KCNQ5: variants seen among roughly 807,000 people sequenced by gnomAD.
The protein encoded by KCNQ5 is potassium voltage-gated channel subfamily Q member 5, also known as potassium voltage-gated channel subfamily KQT member 5.
Under a neutral mutation model 98.2 loss-of-function variants are expected in KCNQ5, and 30 were observed. The ratio of observed to expected loss-of-function variants is 0.31; its 90% CI spans 0.23 to 0.41. The LOEUF (loss-of-function observed/expected upper bound fraction) is 0.41, where lower values mean the gene tolerates loss of function less well. Ranked by LOEUF, KCNQ5 falls within the 10% of genes least tolerant of loss-of-function variation. The pLI is 1.00. For synonymous variants in KCNQ5, 458 were observed against 449.4 expected (o/e 1.02, Z -0.24); for missense variants, 835 against 1,182.5 (o/e 0.71, Z 4.31).
At chr6:73,156,346 T>C (rs1562210760) in intron 10 of KCNQ5, among the ~76,000 whole-genome samples, 1 of 152,200 alleles carries the variant, frequency 6.6e-6, no homozygotes, top group African/African-American at 2.4e-5. Flanking sequence ...TAAAAATGAA[T>C]TGTGAGGTTG....
chr6:72,622,596 C>A lies in KCNQ5; in HGVS notation c.398+9C>A. 6.2e-7 allele frequency: 1 copy of A among 1,612,078 alleles called. No individual in the cohort carries two copies. The highest frequency in any genetic ancestry group is 1.1e-5 in the South Asian group (1 of 91,016). On this transcript the variant is annotated intron_variant, in intron 1 of 13. Transcript: ENST00000370398. The surrounding 1 kb of genome is among the most constrained non-coding windows in gnomAD (Gnocchi z 6.0). ...ATCTACCACGCTTTCGTGTGAGTAC[C>A]CGCGCCCCCTGCTATGCCCGCTGCA... is the stretch of plus-strand genomic sequence containing the variant.
chr6:72,869,488 A>G lies in KCNQ5; in HGVS notation c.399-134420A>G, dbSNP rs954358267. On this transcript the variant is annotated intron_variant, in intron 1 of 13. Transcript: ENST00000370398. ...TGTAGTAATAGATGGACTTTTTTGAACTTTAGTTTTTCCATTTTCTCATTT... is the reference window on the plus strand; with the variant it reads ...TGTAGTAATAGATGGACTTTTTTGAGCTTTAGTTTTTCCATTTTCTCATTT... Among the ~76,000 whole-genome samples, 12 of 152,292 alleles carry G rather than the reference A, an allele frequency of 7.9e-5. 1 individual carries two copies. The highest frequency in any genetic ancestry group is 5.8e-4 in the East Asian group (3 of 5,192).
At chr6:73,062,865 T>C (rs1158979846) in intron 3 of KCNQ5, among the ~76,000 whole-genome samples, 1 of 152,192 alleles carries the variant, frequency 6.6e-6, no homozygotes, top group African/African-American at 2.4e-5. Flanking sequence ...TATTTGATTT[T>C]AGCCCCTACC....
chr6:72,975,962 A>C (rs536478906), intron 1 of KCNQ5, among the ~76,000 whole-genome samples: 2 of 152,242 alleles, frequency 1.3e-5, no homozygotes, highest in African/African-American at 4.8e-5. Flanking sequence ...TTTTTAAAAC[A>C]AGTGAATCAT....
chr6:73,126,147 T>C (rs1775981064), intron 9 of KCNQ5, among the ~76,000 whole-genome samples: 1 of 152,236 alleles, frequency 6.6e-6, no homozygotes, highest in Non-Finnish European at 1.5e-5. Context: ...GCTTTCATTG[T>C]CTCAGGAGCT....
rs1776156669 is a variant in KCNQ5 at position 73,129,930 on chromosome 6, C to T, written c.1248-3491C>T. The stretch of plus-strand genomic sequence containing the variant: ...TGCATGACCAGGTTACACCGCCACC[C>T]CACCTGAGCCCTGTTCAGAGACTCA... On this transcript the variant is annotated intron_variant, in intron 9 of 13. Transcript: ENST00000370398. 31 of 1,052,126 alleles carry T rather than the reference C, an allele frequency of 2.9e-5. 1 individual carries two copies. The South Asian group carries it at 4.1e-4, about 14-fold the overall frequency. 65.2% of individuals were successfully genotyped at this position (1,052,126 alleles called of 1,614,324 possible).
intron 1 of KCNQ5, among the ~76,000 whole-genome samples, chr6:72,909,808 G>A (rs903854872): frequency 1.3e-5 from 2 of 152,102 alleles, no homozygotes; most frequent in Non-Finnish European, 2.9e-5. Context: ...TGTATCTAAG[G>A]CAGAAAATAA....
At chr6:73,194,323 A>C in intron 13 of KCNQ5, 129 bp from the exon 14 acceptor site, 4 of 784,780 alleles carry the variant, frequency 5.1e-6, no homozygotes, top group Non-Finnish European at 8.0e-6. Context: ...TCAAGACTGC[A>C]TCGTACTTTA....
intron 1 of KCNQ5, among the ~76,000 whole-genome samples, chr6:72,895,468 AC>A: frequency 6.6e-6 from 1 of 151,732 alleles, no homozygotes; most frequent in Middle Eastern, 3.4e-3. Context: ...TTAAAATAGG[AC>A]TTTTTGAAGG....
intron 1 of KCNQ5, among the ~76,000 whole-genome samples, chr6:72,689,470 G>C (rs1002554375): frequency 2.0e-5 from 3 of 152,240 alleles, no homozygotes; most frequent in African/African-American, 4.8e-5. Context: ...GCATCTGGCA[G>C]ATGGGGAATC....
At chr6:72,906,762 C>T (rs1394686396) in intron 1 of KCNQ5, among the ~76,000 whole-genome samples, 1 of 152,230 alleles carries the variant, frequency 6.6e-6, no homozygotes, top group Admixed American at 6.5e-5. Context: ...CTTCCAGGTC[C>T]TGCAGGAGCA....
chr6:72,989,628 T>C (rs1768984667), intron 1 of KCNQ5, among the ~76,000 whole-genome samples: 1 of 306 alleles, frequency 3.3e-3, no homozygotes, highest in Non-Finnish European at 5.1e-3. Flanking sequence ...CTGATGATAG[T>C]TTCTTTTGCT....
intron 10 of KCNQ5, among the ~76,000 whole-genome samples, chr6:73,149,080 T>C (rs1777036594): frequency 6.6e-6 from 1 of 152,190 alleles, no homozygotes; most frequent in African/African-American, 2.4e-5. Context: ...AAATACTGTA[T>C]CTACCATGCT....
chr6:72,644,131 C>A (rs1254993655), intron 1 of KCNQ5, among the ~76,000 whole-genome samples: 2 of 152,284 alleles, frequency 1.3e-5, no homozygotes, highest in East Asian at 3.9e-4. Context: ...CATAAGGTCA[C>A]TGCAAATACT....
intron 1 of KCNQ5, among the ~76,000 whole-genome samples, chr6:72,818,187 A>G (rs1378361114): frequency 6.6e-6 from 1 of 152,154 alleles, no homozygotes; most frequent in Non-Finnish European, 1.5e-5. Context: ...ACTTATTTAA[A>G]CTTGTATTAA....
chr6:73,183,052 T>C (rs938132234), intron 11 of KCNQ5, among the ~76,000 whole-genome samples: 3 of 152,152 alleles, frequency 2.0e-5, no homozygotes, highest in Admixed American at 2.0e-4. Flanking sequence ...GGATCCCCTC[T>C]GGAAAGACAA....
intron 1 of KCNQ5, among the ~76,000 whole-genome samples, chr6:72,731,290 C>A (rs1475873675): frequency 6.6e-6 from 1 of 152,160 alleles, no homozygotes; most frequent in African/African-American, 2.4e-5. Context: ...GGGCAAAGCA[C>A]AATGGAGATA....
Position 73,041,927 on chromosome 6 carries a change from A to T in KCNQ5, c.490-9A>T, listed in dbSNP as rs999712061. On this transcript the variant is annotated splice_polypyrimidine_tract_variant and intron_variant, in intron 2 of 13. Transcript: ENST00000370398. ...GCTTCTCTCTGATATGTCTTATCTG[A>T]TATTTTAGGAGTTCGTGATGATTGT... 1 of 1,613,644 alleles carries T rather than the reference A, an allele frequency of 6.2e-7. No individual in the cohort carries two copies. The highest frequency in any genetic ancestry group is 1.7e-5 in the Admixed American group (1 of 60,006).
At chr6:73,175,101 T>C (rs1778161784) in intron 11 of KCNQ5, among the ~76,000 whole-genome samples, 1 of 152,014 alleles carries the variant, frequency 6.6e-6, no homozygotes, top group Non-Finnish European at 1.5e-5. Context: ...ATTTTCCCCT[T>C]GAAGTTACCT....
Sources: gnomAD v4.1 joint callset for allele counts (sites outside exome capture counted in the v4.1 genomes callset) on GRCh38, gnomAD v4.1.1 for gene constraint, Gnocchi (gnomAD v3.1) non-coding constraint, MANE v1.5 for transcripts, NCBI Gene and HGNC (gene_info 2026-07-23, HGNC 2026-07-21) for gene names.